DGKZ: variants seen among roughly 807,000 people sequenced by gnomAD.
The protein encoded by DGKZ is DAG kinase zeta.
DGKZ carries 45 observed loss-of-function variants against 142.5 expected under a neutral mutation model. The observed-to-expected ratio is 0.32, with a 90% CI of 0.25 to 0.40. The LOEUF (loss-of-function observed/expected upper bound fraction) is 0.40. DGKZ is among the 10% of genes least tolerant of loss of function. The probability of loss-of-function intolerance (pLI) is 1.00; values close to 1 mark genes in which losing one functional copy is unlikely to be tolerated. For synonymous variants in DGKZ, 442 were observed against 527.0 expected (o/e 0.84, Z 2.21); for missense variants, 755 against 1,306.5 (o/e 0.58, Z 6.51).
chr11:46,366,021 G>A (rs1282399936), intron 1 of DGKZ: 102 of 985,050 alleles, frequency 1.0e-4, no homozygotes, highest in Non-Finnish European at 1.2e-4. Context: ...AGCTGTAAAC[G>A]TGGGCTCCCC....
chr11:46,377,985 T>C, intron 25 of DGKZ: 1 of 623,986 alleles, frequency 1.6e-6, no homozygotes, highest in Non-Finnish European at 2.8e-6. Flanking sequence ...TTTGACTTGT[T>C]TGTATCCCTG....
At chr11:46,364,337 A>C (rs146794092) in intron 1 of DGKZ, 14 of 1,281,916 alleles carry the variant, frequency 1.1e-5, no homozygotes, top group Middle Eastern at 4.3e-4. Flanking sequence ...AGTGTTTGTC[A>C]GGGGCTTAGC....
chr11:46,350,118 T>G (rs542394283), intron 1 of DGKZ, among the ~76,000 whole-genome samples: 1 of 152,134 alleles, frequency 6.6e-6, no homozygotes, highest in Non-Finnish European at 1.5e-5. Context: ...AGCACTGTGC[T>G]GGGGATAGTG....
intron 1 of DGKZ, among the ~76,000 whole-genome samples, chr11:46,336,795 C>A (rs529030429): frequency 5.9e-5 from 9 of 152,122 alleles, no homozygotes; most frequent in Non-Finnish European, 1.2e-4. Context: ...CTCAAGCGAT[C>A]GCCCATCTTG....
upstream of DGKZ, among the ~76,000 whole-genome samples, chr11:46,346,179 G>T (rs2136388807): frequency 6.6e-6 from 1 of 152,330 alleles, no homozygotes; most frequent in East Asian, 1.9e-4. Context: ...CTTGTCCGCA[G>T]GTCACAGCCC....
At chr11:46,362,691 A>T (rs1053406504) in intron 1 of DGKZ, among the ~76,000 whole-genome samples, 7 of 152,306 alleles carry the variant, frequency 4.6e-5, no homozygotes, top group Admixed American at 4.6e-4. Context: ...CAGATTCAGG[A>T]TGCCAACGCC....
At chr11:46,333,609 G>A (rs1939872108) in intron 1 of DGKZ, 1 of 888,038 alleles carries the variant, frequency 1.1e-6, no homozygotes, top group Non-Finnish European at 1.7e-6. Context: ...AGAGATGACT[G>A]CCGAGGGATC....
chr11:46,377,019 C>A, intron 24 of DGKZ, 54 bp from the exon 25 acceptor site: 1 of 1,524,826 alleles, frequency 6.6e-7, no homozygotes, highest in Non-Finnish European at 9.1e-7. Flanking sequence ...CCTTGCTGCC[C>A]CTCGGCCCCC....
At position 46,374,393 on chromosome 11, in the gene DGKZ, A is replaced by T. The variant is rs1442680946; in HGVS notation, c.1406-6A>T. On this transcript the variant is annotated splice_polypyrimidine_tract_variant and splice_region_variant and intron_variant, in intron 15 of 30. Coordinates refer to ENST00000527911, the Ensembl canonical transcript of DGKZ. ...TCACTGGCCCCCACTGCTTGTCTCC[A>T]CCCAGAGGCCAACCCAGAGAAATTC... 1.9e-6 allele frequency: 3 copies of T among 1,613,922 alleles called. No homozygotes were observed. The Admixed American group carries it at 5.0e-5, about 27-fold the overall frequency.
intron 1 of DGKZ, among the ~76,000 whole-genome samples, chr11:46,349,123 ACT>A (rs935015231): frequency 1.3e-5 from 2 of 152,096 alleles, no homozygotes; most frequent in Admixed American, 6.5e-5. Flanking sequence ...TTGCACCTGC[ACT>A]CTGTCTCTGA....
rs1944492526 is a variant in DGKZ, at chr11:46,376,063, C to T, written c.2012-3C>T. Reference sequence around the variant, plus strand: ...AGCTGCTGACAGGTGCTCTGTTCTCCAGCTGTGCCGCTGGGCACTGTGGTG... The same window carrying T: ...AGCTGCTGACAGGTGCTCTGTTCTCTAGCTGTGCCGCTGGGCACTGTGGTG... On this transcript the variant is annotated splice_region_variant and splice_polypyrimidine_tract_variant and intron_variant, in intron 21 of 30. Transcript: ENST00000527911. 1 of 1,612,110 alleles carries T rather than the reference C, an allele frequency of 6.2e-7. No homozygotes were observed. The highest frequency in any genetic ancestry group is 8.5e-7 in the Non-Finnish European group (1 of 1,179,952).
chr11:46,337,991 G>A (rs932441360), intron 1 of DGKZ, among the ~76,000 whole-genome samples: 1 of 152,160 alleles, frequency 6.6e-6, no homozygotes, highest in Non-Finnish European at 1.5e-5. Flanking sequence ...ACAAAAGTGT[G>A]ACCCCCATAC....
At position 46,372,630 on chromosome 11, in the gene DGKZ, C is replaced by T. The variant is rs751878321; in HGVS notation, c.1024C>T (p.Arg342Cys). 1.2e-5 allele frequency: 19 copies of T among 1,613,610 alleles called. No individual in the cohort carries two copies. The highest frequency in any genetic ancestry group is 1.4e-5 in the Non-Finnish European group (17 of 1,180,018). ...CCATGAGCCCAGGCTGGAGATGTAC[C>T]GCAAAGTGCACAACCTGCGGATCCT... The change falls in exon 12 of 31, where the codon CGC (arginine) becomes TGC (cysteine). Residue 342 changes from arginine to cysteine, a missense_variant. Arg to Cys is a radical substitution (Grantham distance 180). Transcript: ENST00000527911. This position sits in a 1 kb window ranked among gnomAD's most constrained non-coding sequence, Gnocchi z 5.9.
intron 1 of DGKZ, among the ~76,000 whole-genome samples, chr11:46,363,284 C>T (rs1942880452): frequency 6.6e-6 from 1 of 152,156 alleles, no homozygotes; most frequent in South Asian, 2.1e-4. Context: ...CTCAGGCCTG[C>T]GGGGAGGGGC....
chr11:46,354,475 C>A (rs1202513510), intron 1 of DGKZ, among the ~76,000 whole-genome samples: 1 of 152,212 alleles, frequency 6.6e-6, no homozygotes, highest in African/African-American at 2.4e-5. Flanking sequence ...AGATTACAGG[C>A]CTGAGCCACT....
intron 1 of DGKZ, chr11:46,366,472 C>G (rs767321873): frequency 6.4e-7 from 1 of 1,566,512 alleles, no homozygotes; most frequent in Non-Finnish European, 8.6e-7. Flanking sequence ...GTTCCAGCCG[C>G]CGGCGCTCCA....
At chr11:46,369,696 C>T in intron 5 of DGKZ, 146 bp downstream of exon 5, 1 of 1,135,036 alleles carries the variant, frequency 8.8e-7, no homozygotes, top group Non-Finnish European at 1.3e-6. Flanking sequence ...CATGCGGAGG[C>T]CTAACTAGCG....
chr11:46,348,725 C>T (rs752305566), intron 1 of DGKZ, among the ~76,000 whole-genome samples: 1 of 152,162 alleles, frequency 6.6e-6, no homozygotes, highest in Non-Finnish European at 1.5e-5. Flanking sequence ...GGTCGTGAGC[C>T]GCTGCCTGCC....
intron 1 of DGKZ, chr11:46,365,434 G>A (rs981817843): frequency 3.5e-5 from 34 of 985,266 alleles, no homozygotes; most frequent in South Asian, 4.7e-5. Context: ...ATACAGGCAC[G>A]CACACACCCA....
Sources: allele counts gnomAD v4.1 joint callset (sites outside exome capture counted in the v4.1 genomes callset), GRCh38; gene constraint gnomAD v4.1.1; non-coding constraint Gnocchi (gnomAD v3.1); transcripts MANE v1.5; gene names NCBI Gene and HGNC (gene_info 2026-07-23, HGNC 2026-07-21).